TNRC6B: variants seen among roughly 807,000 people sequenced by gnomAD.
TNRC6B encodes trinucleotide repeat containing adaptor 6B.
TNRC6B carries 52 observed loss-of-function variants against 203.6 expected under a neutral mutation model. That is an observed-to-expected ratio of 0.26 (90% CI 0.20 to 0.32). The LOEUF is 0.32. TNRC6B is among the 10% of genes least tolerant of loss of function. The pLI, the probability that TNRC6B is intolerant of heterozygous loss-of-function variation, is 1.00. For synonymous variants in TNRC6B, 838 were observed against 845.7 expected, an observed-to-expected ratio of 0.99 and a Z score of 0.16; for missense variants, 1,923 against 2,286.2, an observed-to-expected ratio of 0.84 and a Z score of 3.24.
chr22:40,220,781 TC>T (rs1342993171), intron 1 of TNRC6B, among the ~76,000 whole-genome samples: 1 of 152,186 alleles, frequency 6.6e-6, no homozygotes, highest in Non-Finnish European at 1.5e-5. Flanking sequence ...CACTTTCCCT[TC>T]CCTTTTAAAG....
chr22:40,308,142 A>T (rs2071116776), intron 15 of TNRC6B, among the ~76,000 whole-genome samples: 1 of 152,100 alleles, frequency 6.6e-6, no homozygotes, highest in South Asian at 2.1e-4. Context: ...AGATACCCTG[A>T]CTACAGCTTT....
intron 1 of TNRC6B, among the ~76,000 whole-genome samples, chr22:40,217,930 G>A (rs1249565824): frequency 2.1e-5 from 3 of 141,782 alleles, no homozygotes; most frequent in Admixed American, 1.6e-4. Flanking sequence ...CCGAGGTCAC[G>A]CTACTGCACC....
rs530393882 is a variant in TNRC6B at position 40,147,482 on chromosome 22, C to T, written c.46-8633C>T. Among the ~76,000 whole-genome samples, 16 of 152,250 alleles carry T rather than the reference C, an allele frequency of 1.1e-4. 1 individual carries two copies. The East Asian group carries it at 3.1e-3, about 29-fold the overall frequency. ...TATTTTCTGATAGTTCTAGAGGCCGCGAATAACAAGATCAAGGCACCAGTA... is the reference window on the plus strand; with the variant it reads ...TATTTTCTGATAGTTCTAGAGGCCGTGAATAACAAGATCAAGGCACCAGTA... On this transcript the variant is annotated intron_variant, in intron 3 of 23. Coordinates refer to the TNRC6B transcript ENST00000301923.
At chr22:40,218,324 C>CTTTTTTTTTTTTTTT (rs71199275) in intron 1 of TNRC6B, among the ~76,000 whole-genome samples, 37 of 97,480 alleles carry the variant, frequency 3.8e-4, no homozygotes, top group Non-Finnish European at 5.3e-4. Context: ...TTTTTCTTTT[C>CTTTTTTTTTTTTTTT]TTTTTTTTTT....
chr22:40,227,571 G>C (rs1421006247), intron 1 of TNRC6B, among the ~76,000 whole-genome samples: 1 of 151,752 alleles, frequency 6.6e-6, no homozygotes, highest in Non-Finnish European at 1.5e-5. Context: ...GGCTGGTCTT[G>C]AACTCCTTAC....
chr22:40,195,752 CTTTAT>C (rs1299451212), intron 1 of TNRC6B, among the ~76,000 whole-genome samples: 1 of 151,708 alleles, frequency 6.6e-6, no homozygotes, highest in Non-Finnish European at 1.5e-5. Flanking sequence ...CCATCCTCAG[CTTTAT>C]TTTGTTTTGT....
intron 1 of TNRC6B, among the ~76,000 whole-genome samples, chr22:40,060,208 T>A (rs1030984190): frequency 2.0e-5 from 3 of 150,906 alleles, no homozygotes; most frequent in Non-Finnish European, 3.0e-5. Context: ...GACTTTTTTT[T>A]TTATTATTTT....
At position 40,273,608 on chromosome 22, in the gene TNRC6B, G is replaced by A. The variant is rs1447908540; in HGVS notation, c.3141+8G>A. The stretch of plus-strand genomic sequence containing the variant: ...GGAAAGAAACAAATGAAGGTAGCCT[G>A]CTTAGAAATGTTCGCACTTGCTCAT... On this transcript the variant is annotated splice_region_variant and intron_variant, in intron 7 of 22. Transcript: ENST00000454349. 1 of 1,560,114 alleles carries A rather than the reference G, an allele frequency of 6.4e-7. No homozygotes were observed. The highest frequency in any genetic ancestry group is 1.4e-5 in the African/African-American group (1 of 73,324).
At chr22:40,130,030 T>G (rs192464054) in intron 3 of TNRC6B, among the ~76,000 whole-genome samples, 19 of 152,342 alleles carry the variant, frequency 1.2e-4, no homozygotes, top group African/African-American at 4.6e-4. Context: ...AAATGAGTTA[T>G]GACTATAGTC....
chr22:40,071,776 C>G (rs1298078096), intron 1 of TNRC6B, among the ~76,000 whole-genome samples: 2 of 152,124 alleles, frequency 1.3e-5, no homozygotes, highest in Admixed American at 6.6e-5. Flanking sequence ...ATGGAGATGG[C>G]CTTTTCTGTG....
chr22:40,304,010 A>G (rs2071059097), intron 15 of TNRC6B, among the ~76,000 whole-genome samples: 1 of 152,208 alleles, frequency 6.6e-6, no homozygotes, highest in Admixed American at 6.5e-5. Context: ...TTTTGAATAG[A>G]TTATTTGATG....
intron 1 of TNRC6B, chr22:40,045,734 G>A (rs1291576621): frequency 6.6e-6 from 1 of 152,246 alleles, no homozygotes; most frequent in Non-Finnish European, 1.5e-5. Context: ...CAGACTACCG[G>A]TTTATTCGGC....
intron 1 of TNRC6B, among the ~76,000 whole-genome samples, chr22:40,206,072 C>T (rs1475996392): frequency 6.6e-6 from 1 of 152,154 alleles, no homozygotes; most frequent in African/African-American, 2.4e-5. Flanking sequence ...GAATTTTCCT[C>T]AGGAAAGTGA....
At chr22:40,200,381 G>T (rs530283467) in intron 1 of TNRC6B, among the ~76,000 whole-genome samples, 1 of 136,656 alleles carries the variant, frequency 7.3e-6, no homozygotes, top group African/African-American at 2.9e-5. Flanking sequence ...CTGCCTGCCG[G>T]GTTCAAGCGT....
chr22:40,317,720 C>A (rs1204648637), intron 21 of TNRC6B, among the ~76,000 whole-genome samples: 1 of 152,184 alleles, frequency 6.6e-6, no homozygotes, highest in East Asian at 1.9e-4. Context: ...TTGCACCAAG[C>A]CACTCTGCCT....
At chr22:40,231,713 G>A (rs1400907349) in intron 1 of TNRC6B, among the ~76,000 whole-genome samples, 5 of 152,094 alleles carry the variant, frequency 3.3e-5, no homozygotes, top group African/African-American at 1.2e-4. Context: ...TCACACAACC[G>A]CTGGAAAGTC....
At chr22:40,075,394 C>T (rs1440266865) in intron 1 of TNRC6B, among the ~76,000 whole-genome samples, 3 of 151,392 alleles carry the variant, frequency 2.0e-5, no homozygotes, top group Admixed American at 6.6e-5. Context: ...GTTTCCTTAT[C>T]CCTGGTAATA....
intron 15 of TNRC6B, among the ~76,000 whole-genome samples, chr22:40,306,509 C>T (rs1032379441): frequency 1.6e-4 from 24 of 152,116 alleles, no homozygotes; most frequent in Admixed American, 9.2e-4. Context: ...ATCCAAGCAC[C>T]TTGGCCTGGT....
At chr22:40,249,833 G>A (rs995107248) in intron 2 of TNRC6B, among the ~76,000 whole-genome samples, 1 of 152,122 alleles carries the variant, frequency 6.6e-6, no homozygotes, top group Non-Finnish European at 1.5e-5. Flanking sequence ...AACAGTACTG[G>A]GAAACATTCA....
Sources: allele counts gnomAD v4.1 joint callset (sites outside exome capture counted in the v4.1 genomes callset), GRCh38; gene constraint gnomAD v4.1.1; transcripts MANE v1.5; gene names NCBI Gene and HGNC (gene_info 2026-07-23, HGNC 2026-07-21).